Variants in SLC5A4 observed in about 807,000 individuals in gnomAD.
The protein encoded by SLC5A4 is probable glucose sensor protein SLC5A4.
Under a neutral mutation model 70.3 loss-of-function variants are expected in SLC5A4, and 55 were observed. That is an observed-to-expected ratio of 0.78 (90% CI 0.63 to 0.98). The LOEUF (loss-of-function observed/expected upper bound fraction) is 0.98. Ranked by LOEUF, SLC5A4 falls within the 50% of genes least tolerant of loss-of-function variation. SLC5A4 has a pLI of 0.00. For missense variants in SLC5A4, 735 were observed against 839.2 expected (o/e 0.88, Z 1.53); for synonymous variants, 268 against 305.7 (o/e 0.88, Z 1.29).
chr22:32,224,216 G>A (rs375644869), intron 13 of SLC5A4, 51 bp downstream of exon 13: 80 of 1,447,930 alleles, frequency 5.5e-5, no homozygotes, highest in Admixed American at 3.0e-4. Context: ...CACTGCGCCC[G>A]GCCAAGAACT....
the SLC5A4 span, among the ~76,000 whole-genome samples, chr22:32,291,206 C>CT: frequency 0.16 from 20,252 of 128,662 alleles, 2,029 homozygotes; most frequent in East Asian, 0.33. Flanking sequence ...TTTGACTGTT[C>CT]TTTTTTTTTT....
chr22:32,328,001 C>T, the SLC5A4 span, among the ~76,000 whole-genome samples: 1 of 151,778 alleles, frequency 6.6e-6, no homozygotes, highest in Admixed American at 6.6e-5. Flanking sequence ...GACCTTGGAC[C>T]AGGTCCCCAA....
chr22:32,260,865 GA>G, the SLC5A4 span, among the ~76,000 whole-genome samples: 13 of 152,186 alleles, frequency 8.5e-5, no homozygotes, highest in African/African-American at 2.9e-4. Flanking sequence ...CTGAAGTCAG[GA>G]GTTTGACACC....
At chr22:32,257,443 C>T (rs1927544091), upstream of SLC5A4, among the ~76,000 whole-genome samples, 1 of 151,776 alleles carries the variant, frequency 6.6e-6, no homozygotes, top group Non-Finnish European at 1.5e-5. Flanking sequence ...CAGCCTCAAC[C>T]TCCTGGGCTC....
chr22:32,274,613 A>G, the SLC5A4 span, among the ~76,000 whole-genome samples: 1 of 152,234 alleles, frequency 6.6e-6, no homozygotes, highest in South Asian at 2.1e-4. Context: ...ACCATGAAAT[A>G]TTAAATATCT....
At chr22:32,272,947 C>T in the SLC5A4 span, 381 of 537,616 alleles carry the variant, frequency 7.1e-4, 2 homozygotes, top group South Asian at 2.9e-3. Flanking sequence ...TGTGGACCTC[C>T]GCACCCTCCA....
At chr22:32,328,839 G>C in the SLC5A4 span, among the ~76,000 whole-genome samples, 1 of 152,224 alleles carries the variant, frequency 6.6e-6, no homozygotes, top group African/African-American at 2.4e-5. Context: ...GAGGATCTTG[G>C]AGATTGTGCA....
the SLC5A4 span, among the ~76,000 whole-genome samples, chr22:32,353,926 C>T: frequency 6.6e-6 from 1 of 151,902 alleles, no homozygotes; most frequent in African/African-American, 2.4e-5. Context: ...AACCTGCTCC[C>T]CACTGGGAGC....
the SLC5A4 span, among the ~76,000 whole-genome samples, chr22:32,307,465 G>C: frequency 6.6e-6 from 1 of 152,166 alleles, no homozygotes; most frequent in African/African-American, 2.4e-5. Context: ...GCTATAGCAG[G>C]AATGGTTCCC....
chr22:32,291,381 A>G, the SLC5A4 span, among the ~76,000 whole-genome samples: 2 of 151,794 alleles, frequency 1.3e-5, no homozygotes, highest in African/African-American at 4.8e-5. Flanking sequence ...GTTTCACCGT[A>G]TTGGTCAGGC....
At chr22:32,233,239 T>C (rs1406774495) in intron 8 of SLC5A4, among the ~76,000 whole-genome samples, 1 of 152,116 alleles carries the variant, frequency 6.6e-6, no homozygotes, top group African/African-American at 2.4e-5. Flanking sequence ...AGCGGATGAA[T>C]GGATAAAGAA....
chr22:32,247,336 G>A, intron 5 of SLC5A4, 75 bp downstream of exon 5: 1 of 836,976 alleles, frequency 1.2e-6, no homozygotes, highest in African/African-American at 1.7e-5. Context: ...TACACATCCA[G>A]CTCTCTGATA....
intron 12 of SLC5A4, 104 bp from the exon 13 acceptor site, chr22:32,224,586 A>G (rs915877560): frequency 1.1e-6 from 1 of 888,618 alleles, no homozygotes; most frequent in Non-Finnish European, 1.8e-6. Context: ...TTAAGGACCA[A>G]CAAATGGCTA....
the SLC5A4 span, among the ~76,000 whole-genome samples, chr22:32,331,018 TGTGTGTGTGTGTTGGAGGCTCTG>T: frequency 1.4e-3 from 23 of 16,688 alleles, no homozygotes; most frequent in African/African-American, 5.6e-3. Flanking sequence ...GGGGCTCTGG[TGTGTGTGTGTGTTGGAGGCTCTG>T]GTGTGTGTGT....
intron 3 of SLC5A4, among the ~76,000 whole-genome samples, chr22:32,251,395 G>T (rs567872381): frequency 6.6e-6 from 1 of 151,982 alleles, no homozygotes; most frequent in South Asian, 2.1e-4. Context: ...TGAGATAATG[G>T]GTTAGTTATA....
At chr22:32,334,100 TCA>T in the SLC5A4 span, among the ~76,000 whole-genome samples, 2 of 137,178 alleles carry the variant, frequency 1.5e-5, no homozygotes, top group African/African-American at 2.9e-5. Flanking sequence ...CACACACACA[TCA>T]CATAGACCCA....
At chr22:32,313,385 C>CG in the SLC5A4 span, among the ~76,000 whole-genome samples, 1 of 152,180 alleles carries the variant, frequency 6.6e-6, no homozygotes, top group African/African-American at 2.4e-5. Context: ...GTCACCCTTG[C>CG]TATAACAAAC....
At chr22:32,310,832 T>G in the SLC5A4 span, among the ~76,000 whole-genome samples, 1 of 152,238 alleles carries the variant, frequency 6.6e-6, no homozygotes, top group Admixed American at 6.5e-5. Flanking sequence ...CTTTATGCCC[T>G]AGCAAGTTTG....
chr22:32,289,107 T>C, the SLC5A4 span, among the ~76,000 whole-genome samples: 2 of 152,138 alleles, frequency 1.3e-5, no homozygotes, highest in Admixed American at 6.5e-5. Context: ...TAATTTTTTG[T>C]GGCTATCTAG....
Sources: allele counts gnomAD v4.1 joint callset (sites outside exome capture counted in the v4.1 genomes callset), GRCh38; gene constraint gnomAD v4.1.1; transcripts MANE v1.5; gene names NCBI Gene and HGNC (gene_info 2026-07-23, HGNC 2026-07-21).